Variants in CSMD3 observed in about 807,000 individuals in gnomAD.
The protein encoded by CSMD3 is CUB and Sushi multiple domains 3, also known as CUB and sushi domain-containing protein 3.
A neutral mutation model predicts 435.2 loss-of-function variants in CSMD3; 177 were observed. That is an observed-to-expected ratio of 0.41 (90% confidence interval 0.36 to 0.46). The LOEUF (loss-of-function observed/expected upper bound fraction) is 0.46. CSMD3 is among the 20% of genes least tolerant of loss of function. CSMD3 has a pLI of 0.34. For missense variants in CSMD3, 4,265 were observed against 4,504.6 expected (o/e 0.95, Z 1.52); for synonymous variants, 1,656 against 1,520.5 (o/e 1.09, Z -2.07).
chr8:113,134,727 T>C (rs946033106), intron 4 of CSMD3, among the ~76,000 whole-genome samples: 12 of 152,044 alleles, frequency 7.9e-5, no homozygotes, highest in African/African-American at 2.9e-4. Flanking sequence ...TTGGATGTGG[T>C]CTTAGTCTGC....
At chr8:112,778,485 C>T (rs2078299947) in intron 13 of CSMD3, among the ~76,000 whole-genome samples, 1 of 151,902 alleles carries the variant, frequency 6.6e-6, no homozygotes, top group African/African-American at 2.4e-5. Flanking sequence ...AGATTGATTT[C>T]TTTCACTTAG....
chr8:113,379,803 C>T (rs563406993), intron 1 of CSMD3, among the ~76,000 whole-genome samples: 1 of 152,148 alleles, frequency 6.6e-6, no homozygotes, highest in South Asian at 2.1e-4. Context: ...TTTCAGTAGC[C>T]TTATATATGC....
At chr8:113,073,769 A>C (rs568911741) in intron 5 of CSMD3, among the ~76,000 whole-genome samples, 1 of 151,880 alleles carries the variant, frequency 6.6e-6, no homozygotes, top group African/African-American at 2.4e-5. Context: ...GGGCATATAT[A>C]GGACCTTTCA....
chr8:113,042,282 T>A (rs1032329607), intron 5 of CSMD3, among the ~76,000 whole-genome samples: 1 of 152,162 alleles, frequency 6.6e-6, no homozygotes, highest in Non-Finnish European at 1.5e-5. Context: ...AAAAAACTAG[T>A]ATAGTAGAAT....
chr8:113,370,572 T>C (rs2133048217), intron 1 of CSMD3, among the ~76,000 whole-genome samples: 1 of 152,134 alleles, frequency 6.6e-6, no homozygotes, highest in Middle Eastern at 3.4e-3. Context: ...ATTCATCCTA[T>C]CTTTCAAGAT....
intron 23 of CSMD3, among the ~76,000 whole-genome samples, chr8:112,581,449 A>G (rs1830329599): frequency 6.6e-6 from 1 of 152,100 alleles, no homozygotes; most frequent in Admixed American, 6.6e-5. Flanking sequence ...CTATATTTGG[A>G]CAAAATAACA....
intron 45 of CSMD3, among the ~76,000 whole-genome samples, chr8:112,327,068 T>A (rs570795813): frequency 6.6e-6 from 1 of 152,154 alleles, no homozygotes; most frequent in Non-Finnish European, 1.5e-5. Flanking sequence ...GATATCCTTG[T>A]TTTACATTGA....
At chr8:113,005,326 T>A (rs1323030289) in intron 6 of CSMD3, among the ~76,000 whole-genome samples, 2 of 151,964 alleles carry the variant, frequency 1.3e-5, no homozygotes, top group Non-Finnish European at 2.9e-5. Flanking sequence ...AAAAATGTCA[T>A]CTTAGGACAG....
chr8:113,222,990 TTCC>T (rs1376241920), intron 3 of CSMD3, among the ~76,000 whole-genome samples: 2 of 151,010 alleles, frequency 1.3e-5, no homozygotes, highest in African/African-American at 4.8e-5. Context: ...TGAGATCATG[TTCC>T]TCTTGTTTAT....
chr8:112,251,486 A>T (rs1815256480), intron 63 of CSMD3, among the ~76,000 whole-genome samples: 1 of 151,648 alleles, frequency 6.6e-6, no homozygotes, highest in South Asian at 2.1e-4. Flanking sequence ...AAACAAGAAG[A>T]TTTTAATTGA....
chr8:113,369,915 G>T (rs1250207292), intron 1 of CSMD3, among the ~76,000 whole-genome samples: 1 of 151,804 alleles, frequency 6.6e-6, no homozygotes, highest in African/African-American at 2.4e-5. Flanking sequence ...CAGTGACAGT[G>T]GGGGATTGGG....
chr8:113,362,364 C>T (rs1483933336), intron 1 of CSMD3, among the ~76,000 whole-genome samples: 1 of 152,028 alleles, frequency 6.6e-6, no homozygotes, highest in Non-Finnish European at 1.5e-5. Flanking sequence ...AGAATATTTC[C>T]GGTTGGGGAA....
chr8:112,693,533 T>C (rs995088733), intron 13 of CSMD3, among the ~76,000 whole-genome samples: 2 of 152,052 alleles, frequency 1.3e-5, no homozygotes, highest in Non-Finnish European at 2.9e-5. Flanking sequence ...TCAAATTGAT[T>C]TTAATTCTTT....
chr8:113,078,512 A>G (rs1395070579), intron 5 of CSMD3, among the ~76,000 whole-genome samples: 1 of 152,176 alleles, frequency 6.6e-6, no homozygotes, highest in East Asian at 1.9e-4. Context: ...AGCTCAGACT[A>G]CCTCTCAATA....
intron 12 of CSMD3, among the ~76,000 whole-genome samples, chr8:112,825,823 G>A (rs1424853790): frequency 1.3e-5 from 2 of 152,182 alleles, no homozygotes; most frequent in Non-Finnish European, 2.9e-5. Flanking sequence ...GTGGCATAGG[G>A]AACAGTTCCT....
At chr8:112,724,352 T>C (rs1218791399) in intron 13 of CSMD3, among the ~76,000 whole-genome samples, 5 of 152,006 alleles carry the variant, frequency 3.3e-5, no homozygotes, top group Non-Finnish European at 7.4e-5. Context: ...TGATAGTGGG[T>C]TGACCAAGAT....
At chr8:113,223,174 A>G (rs1405179746) in intron 3 of CSMD3, among the ~76,000 whole-genome samples, 1 of 150,732 alleles carries the variant, frequency 6.6e-6, no homozygotes, top group Non-Finnish European at 1.5e-5. Context: ...GAATGAATTA[A>G]TATTTACTCA....
At chr8:112,807,763 G>C (rs1051460965) in intron 12 of CSMD3, among the ~76,000 whole-genome samples, 1 of 152,106 alleles carries the variant, frequency 6.6e-6, no homozygotes, top group African/African-American at 2.4e-5. Flanking sequence ...AAAAGCAACT[G>C]TTAAAATGTA....
At chr8:112,625,205 A>G (rs538098437) in intron 22 of CSMD3, among the ~76,000 whole-genome samples, 358 of 152,218 alleles carry the variant, frequency 2.4e-3, no homozygotes, top group African/African-American at 8.2e-3. Flanking sequence ...GTGTAATTAA[A>G]AATTTTCTAA....
Sources: allele counts gnomAD v4.1 joint callset (sites outside exome capture counted in the v4.1 genomes callset), GRCh38; gene constraint gnomAD v4.1.1; transcripts MANE v1.5; gene names NCBI Gene and HGNC (gene_info 2026-07-23, HGNC 2026-07-21).